GNAI1: variants seen among roughly 807,000 people sequenced by gnomAD.
GNAI1 encodes G protein subunit alpha i1.
Under a neutral mutation model 38.9 loss-of-function variants are expected in GNAI1, and 11 were observed. That is an observed-to-expected ratio of 0.28 (90% CI 0.18 to 0.47). The LOEUF is 0.47. Ranked by LOEUF, GNAI1 falls within the 20% of genes least tolerant of loss-of-function variation. GNAI1 has a pLI of 0.99. For missense variants in GNAI1, 317 were observed against 436.9 expected (o/e 0.73, Z 2.45); for synonymous variants, 166 against 145.1 (o/e 1.14, Z -1.04).
intron 7 of GNAI1, among the ~76,000 whole-genome samples, chr7:80,215,904 G>A (rs1223337894): frequency 6.6e-6 from 1 of 152,102 alleles, no homozygotes; most frequent in Non-Finnish European, 1.5e-5. Context: ...AGTACCACAG[G>A]TGGCAGTTTG....
At chr7:80,211,236 A>G (rs905308158) in intron 6 of GNAI1, 138 bp downstream of exon 6, 10 of 681,836 alleles carry the variant, frequency 1.5e-5, no homozygotes, top group Non-Finnish European at 2.4e-5. Context: ...AAAGAGAGAT[A>G]TACTAGAGAA....
chr7:80,221,636 C>CTTTTTTTT lies in GNAI1; in HGVS notation c.*4161_*4168dup, dbSNP rs71518978. On this transcript the variant is annotated 3_prime_UTR_variant, in exon 8 of 8. Transcript: ENST00000649796. Reference sequence around the variant, plus strand: ...ATTTTAATGTTAGGTTGGAAATTTTCTTTTTTTTTTTTTTTTTTTTTTTTT... The same window carrying CTTTTTTTT: ...ATTTTAATGTTAGGTTGGAAATTTTCTTTTTTTTTTTTTTTTTTTTTTTTTTTTTTTTT... Among the ~76,000 whole-genome samples the CTTTTTTTT allele has an allele frequency of 1.4e-3, 133 of 94,314 alleles. No individual in the cohort carries two copies. Among genetic ancestry groups the CTTTTTTTT allele is most frequent in the East Asian group, 2.7e-3 (7 of 2,564 alleles). The allele number at this position is 94,314 out of a possible 152,430, so 61.9% of individuals were successfully genotyped here.
chr7:80,162,496 C>G (rs1283259476), intron 1 of GNAI1, among the ~76,000 whole-genome samples: 1 of 152,206 alleles, frequency 6.6e-6, no homozygotes, highest in African/African-American at 2.4e-5. Context: ...AAGGTTAATA[C>G]AAGCAACAGG....
At chr7:80,211,801 A>G (rs1017531555) in intron 6 of GNAI1, among the ~76,000 whole-genome samples, 1 of 152,192 alleles carries the variant, frequency 6.6e-6, no homozygotes, top group Non-Finnish European at 1.5e-5. Flanking sequence ...TATGGGGGAA[A>G]TGTTTTTAAA....
rs752426498 is a variant in GNAI1 at position 80,213,855 on chromosome 7, A to T, written c.874+986A>T. 4.1e-5 allele frequency among the ~76,000 whole-genome samples: 6 copies of T among 147,782 alleles called. No homozygotes were observed. The East Asian group carries it at 1.2e-3, about 29-fold the overall frequency. ...CCCACTCTTCCTGTTTTTTTTTTTA[A>T]AAGTCTCAAGAATTTGTTTTTTTAT... On this transcript the variant is annotated intron_variant, in intron 7 of 7. Coordinates refer to ENST00000649796, the MANE Select transcript of GNAI1 (RefSeq NM_002069.6).
chr7:80,177,620 T>C (rs1788210717), intron 1 of GNAI1, among the ~76,000 whole-genome samples: 1 of 152,194 alleles, frequency 6.6e-6, no homozygotes. Flanking sequence ...TAGCTAGGAC[T>C]ACAAAATGCC....
rs1173079112 is a variant in GNAI1, at chr7:80,158,906, T to C, written c.118+23628T>C. On this transcript the variant is annotated intron_variant, in intron 1 of 7. Coordinates refer to ENST00000649796, the MANE Select transcript of GNAI1 (RefSeq NM_002069.6). ...CTCCTGGATTCTACAGGAACTCTTATCATTTTCCTCTTTTCTCACTATGGC... is the reference window on the plus strand; with the variant it reads ...CTCCTGGATTCTACAGGAACTCTTACCATTTTCCTCTTTTCTCACTATGGC... Among the ~76,000 whole-genome samples the C allele has an allele frequency of 3.9e-5, 6 of 152,182 alleles. No individual in the cohort carries two copies. The East Asian group carries it at 7.7e-4, about 20-fold the overall frequency.
chr7:80,148,657 G>A (rs1275604922), intron 1 of GNAI1, among the ~76,000 whole-genome samples: 1 of 152,056 alleles, frequency 6.6e-6, no homozygotes, highest in Non-Finnish European at 1.5e-5. Flanking sequence ...TCATATCCAT[G>A]GAGAAATAAG....
intron 4 of GNAI1, 31 bp downstream of exon 4, chr7:80,199,413 T>G: frequency 6.7e-7 from 1 of 1,490,350 alleles, no homozygotes; most frequent in South Asian, 1.3e-5. Flanking sequence ...AACTAAACTA[T>G]CATGAATAAT....
In GNAI1 at chr7:80,225,505, CT is replaced by C. The variant is rs1789144802; in HGVS notation, c.*8015del. ...TGTTTCAATTCCCCTAGCCAAATTC[CT>C]TTCTTTCTCCACACCTCCCACAGGA... On this transcript the variant is annotated 3_prime_UTR_variant, in exon 8 of 8. Transcript: ENST00000649796. Among the ~76,000 whole-genome samples the C allele has an allele frequency of 6.6e-6, 1 of 151,886 alleles. No individual in the cohort carries two copies. Among genetic ancestry groups the C allele is most frequent in the African/African-American group, 2.4e-5 (1 of 41,338 alleles).
intron 1 of GNAI1, among the ~76,000 whole-genome samples, chr7:80,147,561 G>A (rs371893341): frequency 6.6e-6 from 1 of 152,132 alleles, no homozygotes; most frequent in African/African-American, 2.4e-5. Flanking sequence ...GTTACAGCAG[G>A]CTTCACTGAC....
intron 1 of GNAI1, among the ~76,000 whole-genome samples, chr7:80,183,319 G>A (rs1415161834): frequency 1.3e-5 from 2 of 152,008 alleles, no homozygotes; most frequent in Non-Finnish European, 2.9e-5. Context: ...TAAATATAAG[G>A]ACCTTGATCT....
At chr7:80,147,544 G>T (rs1227657088) in intron 1 of GNAI1, among the ~76,000 whole-genome samples, 1 of 152,006 alleles carries the variant, frequency 6.6e-6, no homozygotes, top group Non-Finnish European at 1.5e-5. Flanking sequence ...ACCCAGTATA[G>T]TTTTCTGTTA....
chr7:80,217,233 A>ACTGACTTCAGTTTCATATGTATGACC, intron 7 of GNAI1, 70 bp from the exon 8 acceptor site: 1 of 1,034,856 alleles, frequency 9.7e-7, no homozygotes, highest in South Asian at 1.8e-5. Context: ...TATGTATGAA[A>ACTGACTTCAGTTTCATATGTATGACC]CTGAATTCAG....
chr7:80,194,408 A>T (rs1461392691), intron 3 of GNAI1, among the ~76,000 whole-genome samples: 4 of 152,162 alleles, frequency 2.6e-5, no homozygotes, highest in Non-Finnish European at 5.9e-5. Flanking sequence ...TTAGTAAGTC[A>T]AATTTTACTT....
intron 1 of GNAI1, among the ~76,000 whole-genome samples, chr7:80,174,843 A>G (rs1018983658): frequency 6.6e-6 from 1 of 152,200 alleles, no homozygotes; most frequent in African/African-American, 2.4e-5. Flanking sequence ...TCAGGGATCC[A>G]AGTACTAGTA....
intron 1 of GNAI1, among the ~76,000 whole-genome samples, chr7:80,137,322 T>TTTTC (rs1787438844): frequency 8.1e-6 from 1 of 124,112 alleles, no homozygotes; most frequent in Non-Finnish European, 1.7e-5. Context: ...CTTTTCTTTT[T>TTTTC]TTTTTTTTTT....
chr7:80,144,296 T>C (rs1170449458), intron 1 of GNAI1, among the ~76,000 whole-genome samples: 2 of 151,890 alleles, frequency 1.3e-5, no homozygotes, highest in Non-Finnish European at 2.9e-5. Flanking sequence ...ATTCAAAAGA[T>C]GGTGCCATTT....
chr7:80,190,018 C>A (rs1339185068), intron 3 of GNAI1, among the ~76,000 whole-genome samples: 1 of 151,648 alleles, frequency 6.6e-6, no homozygotes, highest in Non-Finnish European at 1.5e-5. Flanking sequence ...ATTATTTTTA[C>A]TAGTATTTAT....
Sources: gnomAD v4.1 joint callset for allele counts (sites outside exome capture counted in the v4.1 genomes callset) on GRCh38, gnomAD v4.1.1 for gene constraint, MANE v1.5 for transcripts, NCBI Gene and HGNC (gene_info 2026-07-23, HGNC 2026-07-21) for gene names.